The following FBXW7 variants were observed in gnomAD, a reference collection of about 807,000 sequenced individuals.
FBXW7 encodes the protein F-box/WD repeat-containing protein 7.
In FBXW7, 11 loss-of-function variants were observed where a neutral mutation model predicts 86.3. The ratio of observed to expected loss-of-function variants is 0.13; its 90% CI spans 0.08 to 0.21. The LOEUF (loss-of-function observed/expected upper bound fraction) is 0.21. Among genes scored for constraint, FBXW7 ranks in the 10% least tolerant of loss-of-function variants. FBXW7 has a pLI of 1.00. For missense variants in FBXW7, 488 were observed against 847.4 expected (o/e 0.58, Z 5.27); for synonymous variants, 313 against 297.9 (o/e 1.05, Z -0.52).
At chr4:152,392,654 G>A (rs551765578) in intron 4 of FBXW7, among the ~76,000 whole-genome samples, 44 of 152,082 alleles carry the variant, frequency 2.9e-4, no homozygotes, top group African/African-American at 9.9e-4. Context: ...AAGCTTTGAC[G>A]GTGATTGGTC....
chr4:152,363,501 A>C lies in FBXW7; in HGVS notation c.502-13377T>G, dbSNP rs188883825. Among the ~76,000 whole-genome samples the C allele has an allele frequency of 2.3e-3, 344 of 152,308 alleles. 3 individuals are homozygous for C. Among genetic ancestry groups the C allele is most frequent in the African/African-American group, 8.0e-3 (334 of 41,572 alleles). On this transcript the variant is annotated intron_variant, in intron 4 of 13. Transcript: ENST00000281708. ...TATATACAACTAGAAAGAGGAAGAG[A>C]TAATATTTTCAAGAAATGCACATGG... is the stretch of plus-strand genomic sequence containing the variant.
intron 2 of FBXW7, among the ~76,000 whole-genome samples, chr4:152,445,192 T>C (rs184218974): frequency 2.6e-5 from 4 of 152,312 alleles, no homozygotes; most frequent in African/African-American, 9.6e-5. Flanking sequence ...TAATTTTTCC[T>C]ACGAATTATT....
At chr4:152,450,433 A>G (rs1314105417) in intron 2 of FBXW7, among the ~76,000 whole-genome samples, 2 of 152,180 alleles carry the variant, frequency 1.3e-5, no homozygotes, top group East Asian at 3.8e-4. Flanking sequence ...TCAAATCTGA[A>G]GTTTAAGTTT....
At chr4:152,395,290 GC>G (rs1223677370) in intron 4 of FBXW7, among the ~76,000 whole-genome samples, 2 of 152,014 alleles carry the variant, frequency 1.3e-5, no homozygotes, top group Non-Finnish European at 2.9e-5. Flanking sequence ...TTCTGATGCA[GC>G]TGGTCCAAGG....
chr4:152,322,706 C>G lies in FBXW7; in HGVS notation c.*175G>C, dbSNP rs1474516592. ...TCTTGTCAGTTATGGTTTGTCATCT[C>G]TTCTTCTTTTCCTTCTTAGTCTGTA... On this transcript the variant is annotated 3_prime_UTR_variant, in exon 14 of 14. Coordinates refer to ENST00000281708, the MANE Select transcript of FBXW7 (RefSeq NM_001349798.2). The G allele has an allele frequency of 3.7e-6, 4 of 1,074,902 alleles. No individual in the cohort carries two copies. In the East Asian group the frequency reaches 1.1e-4, roughly 28 times the overall value. 66.6% of individuals were successfully genotyped at this position (1,074,902 alleles called of 1,614,324 possible). A position where few individuals can be genotyped will look rare whatever the true frequency, so the allele number is the denominator to read the frequency against.
rs1398083342 is a variant in FBXW7, at chr4:152,535,634, G to A, written c.-720C>T. 7.6e-6 allele frequency: 3 copies of A among 396,790 alleles called. No individual in the cohort carries two copies. Among genetic ancestry groups the A allele is most frequent in the African/African-American group, 2.1e-5 (1 of 48,500 alleles). The allele number at this position is 396,790 out of a possible 1,614,324, so 24.6% of individuals were successfully genotyped here. A position where few individuals can be genotyped will look rare whatever the true frequency, so the allele number is the denominator to read the frequency against. ...TCCGCTCGGCGCCGCCCCCGCTCCCGGCTCCCGCATGTGTCGCTGCGGCTG... is the reference window on the plus strand; with the variant it reads ...TCCGCTCGGCGCCGCCCCCGCTCCCAGCTCCCGCATGTGTCGCTGCGGCTG... On this transcript the variant is annotated 5_prime_UTR_variant, in exon 1 of 14. Transcript: ENST00000281708.
chr4:152,383,470 AATCTTTATAC>A lies in FBXW7; in HGVS notation c.501+27823_501+27832del, dbSNP rs956450455. Among the ~76,000 whole-genome samples, 26 of 152,292 alleles carry A rather than the reference AATCTTTATAC, an allele frequency of 1.7e-4. 1 individual carries two copies. The highest frequency in any genetic ancestry group is 6.0e-4 in the African/African-American group (25 of 41,574). On this transcript the variant is annotated intron_variant, in intron 4 of 13. Transcript: ENST00000281708. ...TTAACCATTTGTGCAAGTGTTAATTAATCTTTATACTATAATCCATATTCCTAACAGATAG... is the reference window on the plus strand; with the variant it reads ...TTAACCATTTGTGCAAGTGTTAATTATATAATCCATATTCCTAACAGATAG...
At chr4:152,473,065 C>T (rs914630677) in intron 2 of FBXW7, among the ~76,000 whole-genome samples, 1 of 151,970 alleles carries the variant, frequency 6.6e-6, no homozygotes, top group Non-Finnish European at 1.5e-5. Flanking sequence ...ATAGGGAGAC[C>T]CCGTCTCTAT....
chr4:152,387,059 C>A (rs954784456), intron 4 of FBXW7, among the ~76,000 whole-genome samples: 1 of 152,154 alleles, frequency 6.6e-6, no homozygotes, highest in Non-Finnish European at 1.5e-5. Flanking sequence ...AAAGATTTTC[C>A]ATTTTTCATA....
At chr4:152,407,015 C>A (rs1737480165) in intron 4 of FBXW7, among the ~76,000 whole-genome samples, 1 of 152,292 alleles carries the variant, frequency 6.6e-6, no homozygotes, top group Admixed American at 6.5e-5. Flanking sequence ...CACTATGCTA[C>A]TTGTTTTACA....
At chr4:152,385,136 C>G (rs1735420976) in intron 4 of FBXW7, among the ~76,000 whole-genome samples, 1 of 152,008 alleles carries the variant, frequency 6.6e-6, no homozygotes, top group African/African-American at 2.4e-5. Flanking sequence ...CAAAAAAATT[C>G]TGTCTCAGTG....
At position 152,529,113 on chromosome 4, in the gene FBXW7, G is replaced by C. The variant is rs75784079; in HGVS notation, c.-120+5828C>G. ...CACATTTTTCCCTGGTCCACTCAAA[G>C]TATCAACAAACTGGAATAATTTCTG... On this transcript the variant is annotated intron_variant, in intron 2 of 13. Transcript: ENST00000281708. Among the ~76,000 whole-genome samples the C allele has an allele frequency of 2.0e-5, 3 of 152,216 alleles. 1 individual carries two copies. In the South Asian group the frequency reaches 6.2e-4, roughly 32 times the overall value.
At chr4:152,455,597 C>T (rs1471885661) in intron 2 of FBXW7, among the ~76,000 whole-genome samples, 1 of 152,216 alleles carries the variant, frequency 6.6e-6, no homozygotes, top group Non-Finnish European at 1.5e-5. Flanking sequence ...CTACCAGCTT[C>T]TGCCAATACC....
chr4:152,359,971 G>T lies in FBXW7; in HGVS notation c.502-9847C>A, dbSNP rs188156210. 1.8e-4 allele frequency among the ~76,000 whole-genome samples: 28 copies of T among 152,208 alleles called. No homozygotes were observed. In the East Asian group the frequency reaches 5.2e-3, roughly 28 times the overall value. On this transcript the variant is annotated intron_variant, in intron 4 of 13. Transcript: ENST00000281708. ...AGGGAAGAAGGAAATTACCACCTGT[G>T]GACCTGAGATGTAAATGGAAATACG...
chr4:152,533,015 C>T (rs1750154669), intron 2 of FBXW7, among the ~76,000 whole-genome samples: 2 of 152,040 alleles, frequency 1.3e-5, no homozygotes, highest in Admixed American at 1.3e-4. Context: ...GGTGAAACCC[C>T]ATCTCTACTA....
chr4:152,441,672 AT>A (rs1740905098), intron 2 of FBXW7, among the ~76,000 whole-genome samples: 1 of 152,202 alleles, frequency 6.6e-6, no homozygotes, highest in Admixed American at 6.5e-5. Flanking sequence ...TCCAATCTTT[AT>A]TTTTGAATAA....
intron 4 of FBXW7, among the ~76,000 whole-genome samples, chr4:152,358,991 T>C (rs778332573): frequency 1.3e-5 from 2 of 152,154 alleles, no homozygotes; most frequent in South Asian, 2.1e-4. Context: ...ACACGAGACA[T>C]TGTTAAAGAA....
intron 2 of FBXW7, among the ~76,000 whole-genome samples, chr4:152,497,965 T>C (rs1341864897): frequency 6.6e-6 from 1 of 152,212 alleles, no homozygotes; most frequent in Non-Finnish European, 1.5e-5. Context: ...GGTCATCTTT[T>C]GTGTAAATGT....
chr4:152,484,542 A>G (rs1216369814), intron 2 of FBXW7, among the ~76,000 whole-genome samples: 4 of 152,248 alleles, frequency 2.6e-5, no homozygotes, highest in African/African-American at 9.6e-5. Context: ...ACAAAAAGGG[A>G]AAATCAACTG....
Sources: gnomAD v4.1 joint callset for allele counts (sites outside exome capture counted in the v4.1 genomes callset) on GRCh38, gnomAD v4.1.1 for gene constraint, MANE v1.5 for transcripts, NCBI Gene and HGNC (gene_info 2026-07-23, HGNC 2026-07-21) for gene names.